DOCK3: variants seen among roughly 807,000 people sequenced by gnomAD.
The protein encoded by DOCK3 is dedicator of cytokinesis 3, also known as dedicator of cytokinesis protein 3.
Under a neutral mutation model 265.6 loss-of-function variants are expected in DOCK3, and 60 were observed. That is an observed-to-expected ratio of 0.23 (90% CI 0.18 to 0.28). The LOEUF (loss-of-function observed/expected upper bound fraction) is 0.28. Among genes scored for constraint, DOCK3 ranks in the 10% least tolerant of loss-of-function variants. The pLI is 1.00. For synonymous variants in DOCK3, 881 were observed against 938.0 expected (o/e 0.94, Z 1.11); for missense variants, 1,981 against 2,594.3 (o/e 0.76, Z 5.14).
At chr3:51,257,840 A>C (rs1051590863) in intron 22 of DOCK3, among the ~76,000 whole-genome samples, 3 of 151,600 alleles carry the variant, frequency 2.0e-5, no homozygotes, top group African/African-American at 7.3e-5. Flanking sequence ...CTTCTATTCC[A>C]CTCCTCTGCC....
chr3:51,014,196 G>A (rs1234574994), intron 5 of DOCK3, among the ~76,000 whole-genome samples: 1 of 152,154 alleles, frequency 6.6e-6, no homozygotes, highest in African/African-American at 2.4e-5. Flanking sequence ...GTCCCAATGA[G>A]ATGAATCAGG....
chr3:51,255,156 T>G (rs1032559519), intron 22 of DOCK3, among the ~76,000 whole-genome samples: 7 of 152,332 alleles, frequency 4.6e-5, no homozygotes, highest in African/African-American at 1.2e-4. Flanking sequence ...GAAATTCTGG[T>G]TTGAAAATTC....
chr3:50,819,000 T>C (rs2044251437), intron 2 of DOCK3, among the ~76,000 whole-genome samples: 1 of 139,810 alleles, frequency 7.2e-6, no homozygotes, highest in African/African-American at 2.6e-5. Flanking sequence ...ATTCTCTAGC[T>C]TAAATATTGA....
intron 19 of DOCK3, among the ~76,000 whole-genome samples, chr3:51,232,518 C>T (rs2078171209): frequency 6.6e-6 from 1 of 152,102 alleles, no homozygotes; most frequent in African/African-American, 2.4e-5. Context: ...CCCTTTTCAC[C>T]ACATCCACAC....
Position 51,211,502 on chromosome 3 carries a change from T to C in DOCK3, c.1127-2620T>C, listed in dbSNP as rs554269190. Among the ~76,000 whole-genome samples the C allele has an allele frequency of 2.8e-3, 422 of 152,228 alleles. 6 individuals carry two copies. Among genetic ancestry groups the C allele is most frequent in the African/African-American group, 9.2e-3 (382 of 41,534 alleles). ...CATTTACATTAGGTATATCTCCTCA[T>C]GCTATCCCTCCCCCAACCCCACAGC... On this transcript the variant is annotated intron_variant, in intron 13 of 52. Transcript: ENST00000266037.
chr3:51,223,042 G>A (rs575477994), intron 14 of DOCK3, among the ~76,000 whole-genome samples: 24 of 152,222 alleles, frequency 1.6e-4, no homozygotes, highest in Admixed American at 1.4e-3. Flanking sequence ...GGGCTCAAGC[G>A]ATCCTCCCTC....
chr3:51,105,196 G>T (rs1448593939), intron 9 of DOCK3, among the ~76,000 whole-genome samples: 34 of 151,888 alleles, frequency 2.2e-4, no homozygotes. Context: ...GCCAACTAAG[G>T]GTCTTGGGCC....
At chr3:51,264,644 G>A (rs1381831420) in intron 23 of DOCK3, among the ~76,000 whole-genome samples, 3 of 151,716 alleles carry the variant, frequency 2.0e-5, no homozygotes, top group Non-Finnish European at 2.9e-5. Flanking sequence ...TGGCCAACAC[G>A]GTGAAACCCC....
chr3:50,754,039 C>G (rs1296628859), intron 1 of DOCK3, among the ~76,000 whole-genome samples: 2 of 151,454 alleles, frequency 1.3e-5, no homozygotes, highest in Non-Finnish European at 2.9e-5. Context: ...GCCTGTAGTC[C>G]CAGCTACTTG....
Position 51,227,377 on chromosome 3 carries a change from T to A in DOCK3, c.1472T>A (p.Ile491Asn). 6.2e-7 allele frequency: 1 copy of A among 1,613,986 alleles called. No individual in the cohort carries two copies. The highest frequency in any genetic ancestry group is 8.5e-7 in the Non-Finnish European group (1 of 1,179,862). The stretch of plus-strand genomic sequence containing the variant: ...AATAGTCCTCGCTGGGGAGAAATTA[T>A]CAAATTGCCTATCCCCATTGACCGG... ...HSNSPRWGEI[I>N]KLPIPIDRFR... The change falls in exon 16 of 53, where the codon ATC (isoleucine) becomes AAC (asparagine). Residue 491 changes from isoleucine (I) to asparagine (N), a missense_variant. Coordinates refer to ENST00000266037, the MANE Select transcript of DOCK3 (RefSeq NM_004947.5).
At chr3:50,787,666 C>T (rs2042252512) in intron 2 of DOCK3, 4 of 1,313,150 alleles carry the variant, frequency 3.0e-6, no homozygotes, top group African/African-American at 1.5e-5. Flanking sequence ...TCTTGTAGTT[C>T]TGGGAGTAGG....
intron 7 of DOCK3, among the ~76,000 whole-genome samples, chr3:51,088,739 G>C (rs2109538681): frequency 6.6e-6 from 1 of 152,216 alleles, no homozygotes; most frequent in African/African-American, 2.4e-5. Flanking sequence ...TAAGTGATTT[G>C]TCTGAAATTT....
intron 5 of DOCK3, among the ~76,000 whole-genome samples, chr3:50,971,540 G>C (rs1036047593): frequency 6.6e-6 from 1 of 152,156 alleles, no homozygotes; most frequent in African/African-American, 2.4e-5. Context: ...CCAGGTTGGC[G>C]AGGTCTCAGG....
rs1187911070 is a variant in DOCK3, at chr3:51,326,893, G to A, written c.3403-3245G>A. On this transcript the variant is annotated intron_variant, in intron 32 of 52. Coordinates refer to ENST00000266037, the MANE Select transcript of DOCK3 (RefSeq NM_004947.5). ...ACCTGCCTCCATCTCCCAAAGTGCTGGGGTTACAGGCATGACCCACCTCTC... is the reference window on the plus strand; with the variant it reads ...ACCTGCCTCCATCTCCCAAAGTGCTAGGGTTACAGGCATGACCCACCTCTC... Among the ~76,000 whole-genome samples, 6 of 152,148 alleles carry A rather than the reference G, an allele frequency of 3.9e-5. No individual in the cohort carries two copies. The East Asian group carries it at 7.7e-4, about 20-fold the overall frequency.
At chr3:51,178,087 A>T (rs944871794) in intron 12 of DOCK3, among the ~76,000 whole-genome samples, 1 of 152,006 alleles carries the variant, frequency 6.6e-6, no homozygotes, top group African/African-American at 2.4e-5. Flanking sequence ...TGATATTAAT[A>T]AGAGATTCAC....
In DOCK3 at chr3:51,314,868, T is replaced by G. The variant is rs948424366; in HGVS notation, c.3254-112T>G. ...CAGAAAACCATAGGGGAGAGCTTGT[T>G]TTGCTCTCAGAAGCTTCCAGTATGG... is the stretch of plus-strand genomic sequence containing the variant. On this transcript the variant is annotated intron_variant, in intron 31 of 52. Transcript: ENST00000266037. 30 of 1,270,692 alleles carry G rather than the reference T, an allele frequency of 2.4e-5. No individual in the cohort carries two copies. In the African/African-American group the frequency reaches 4.3e-4, roughly 18 times the overall value. The allele number at this position is 1,270,692 out of a possible 1,614,324, so 78.7% of individuals were successfully genotyped here. A position where few individuals can be genotyped will look rare whatever the true frequency, so the allele number is the denominator to read the frequency against.
intron 1 of DOCK3, among the ~76,000 whole-genome samples, chr3:50,703,178 T>A (rs753151507): frequency 1.1e-4 from 16 of 152,232 alleles, no homozygotes; most frequent in Non-Finnish European, 1.9e-4. Context: ...ATCCTTGCAA[T>A]CCCTGTTATA....
intron 20 of DOCK3, 100 bp downstream of exon 20, chr3:51,236,528 T>C (rs1318031748): frequency 9.3e-7 from 1 of 1,073,906 alleles, no homozygotes; most frequent in African/African-American, 1.6e-5. Flanking sequence ...CAGCACAAGA[T>C]ATAGATGTTT....
At chr3:51,204,975 A>G (rs1008121349) in intron 12 of DOCK3, among the ~76,000 whole-genome samples, 1 of 148,388 alleles carries the variant, frequency 6.7e-6, no homozygotes, top group Admixed American at 6.7e-5. Context: ...ATGGGAACAC[A>G]TGGACACAGG....
Sources: gnomAD v4.1 joint callset for allele counts (sites outside exome capture counted in the v4.1 genomes callset) on GRCh38, gnomAD v4.1.1 for gene constraint, MANE v1.5 for transcripts, NCBI Gene and HGNC (gene_info 2026-07-23, HGNC 2026-07-21) for gene names.